BFSP1: variants seen among roughly 807,000 people sequenced by gnomAD.
BFSP1 encodes the protein filensin.
BFSP1 carries 38 observed loss-of-function variants against 43.9 expected under a neutral mutation model. The observed-to-expected ratio is 0.87, with a 90% CI of 0.67 to 1.14. The LOEUF is 1.14. BFSP1 is among the 50% of genes most tolerant of loss of function. The pLI is 0.00. For missense variants in BFSP1, 850 were observed against 875.1 expected (o/e 0.97, Z 0.36); for synonymous variants, 352 against 354.8 (o/e 0.99, Z 0.09).
rs1305131682 is a variant in BFSP1 at position 17,494,783 on chromosome 20, T to A, written c.1289A>T (p.Asp430Val). The change falls in exon 8 of 8, where the codon GAT becomes GTT. Residue 430 changes from aspartate to valine, a missense_variant. Transcript: ENST00000377873. ...GCTTATCTGCCCTCCATCTGGCACA[T>A]CCTCTGGAGCCCCTTCTTGTGTCAG... The part of the protein sequence containing the change: ...SPLTQEGAPE[D>V]VPDGGQISKG... The A allele has an allele frequency of 1.2e-6, 2 of 1,614,212 alleles. No individual in the cohort carries two copies. Among genetic ancestry groups the A allele is most frequent in the South Asian group, 1.1e-5 (1 of 91,084 alleles).
chr20:17,555,514 A>G (rs2034976915), intron 1 of BFSP1, among the ~76,000 whole-genome samples: 1 of 151,970 alleles, frequency 6.6e-6, no homozygotes, highest in South Asian at 2.1e-4. Context: ...TTAGCCAGGC[A>G]TGGTGGCCCA....
At chr20:17,530,867 C>G in intron 1 of BFSP1, 86 bp downstream of exon 1, 1 of 1,286,618 alleles carries the variant, frequency 7.8e-7, no homozygotes, top group South Asian at 2.2e-5. Context: ...GCGCTCCACC[C>G]CTGCATGGTA....
chr20:17,516,084 T>G (rs2034194128), intron 2 of BFSP1, among the ~76,000 whole-genome samples: 1 of 152,072 alleles, frequency 6.6e-6, no homozygotes, highest in Non-Finnish European at 1.5e-5. Flanking sequence ...GTCCCAGCAC[T>G]TTGGGAGGCT....
intron 4 of BFSP1, among the ~76,000 whole-genome samples, chr20:17,511,482 A>G (rs2034077270): frequency 6.6e-6 from 1 of 152,228 alleles, no homozygotes; most frequent in Non-Finnish European, 1.5e-5. Flanking sequence ...TCCACAAAGA[A>G]GCTATCCGGA....
chr20:17,553,604 A>C (rs1426434259), intron 1 of BFSP1, among the ~76,000 whole-genome samples: 1 of 151,712 alleles, frequency 6.6e-6, no homozygotes, highest in Admixed American at 6.6e-5. Context: ...GTTGCTGATA[A>C]GTGCTTCAAA....
chr20:17,494,919 C>T lies in BFSP1; in HGVS notation c.1153G>A (p.Ala385Thr). The T allele has an allele frequency of 6.2e-7, 1 of 1,614,186 alleles. No individual in the cohort carries two copies. ...EIITKDKTNG[A>T]LEDAPLKGLE... is the part of the protein sequence containing the mutation. ...CCTTTTAATGGTGCATCTTCCAGAG[C>T]TCCGTTGGTTTTGTCTTTTGTTATA... Residue 385 changes from alanine to threonine, a missense_variant, in exon 8 of 8, where the codon GCT becomes ACT. Ala to Thr is a moderately conservative substitution (Grantham distance 58). Coordinates refer to ENST00000377873, the MANE Select transcript of BFSP1 (RefSeq NM_001195.5).
intron 1 of BFSP1, among the ~76,000 whole-genome samples, chr20:17,558,126 G>T (rs147436033): frequency 1.3e-5 from 2 of 149,008 alleles, no homozygotes; most frequent in East Asian, 2.0e-4. Context: ...AGATGGGGGG[G>T]GGTTTTACTC....
chr20:17,567,744 C>G (rs999805939), intron 1 of BFSP1, among the ~76,000 whole-genome samples: 1 of 151,676 alleles, frequency 6.6e-6, no homozygotes, highest in Non-Finnish European at 1.5e-5. Flanking sequence ...GCCTGTAATC[C>G]CAGCTACTCG....
Position 17,525,473 on chromosome 20 carries a change from C to A in BFSP1, c.378-565G>T, listed in dbSNP as rs2034401125. ...TCCGCACACTTTTCCCTCCTCCCAGCAGCATCACTCCCCACACAGCGATGG... is the reference window on the plus strand; with the variant it reads ...TCCGCACACTTTTCCCTCCTCCCAGAAGCATCACTCCCCACACAGCGATGG... On this transcript the variant is annotated intron_variant, in intron 1 of 7. Coordinates refer to ENST00000377873, the MANE Select transcript of BFSP1 (RefSeq NM_001195.5). The surrounding 1 kb of genome is among the most constrained non-coding windows in gnomAD (Gnocchi z 4.2). 6.6e-6 allele frequency among the ~76,000 whole-genome samples: 1 copy of A among 152,208 alleles called. No individual in the cohort carries two copies. Among genetic ancestry groups the A allele is most frequent in the Non-Finnish European group, 1.5e-5 (1 of 68,040 alleles).
At position 17,498,845 on chromosome 20, in the gene BFSP1, G is replaced by T. The variant is rs750868908; in HGVS notation, c.931C>A (p.Arg311Ser). ...TLKNELDRYH[R>S]IIEIEGNRLT... ...CTGTTGCCTTCAATCTCGATGATAC[G>T]ATGATACCGGTCCAGCTCATTCTTC... Residue 311 changes from arginine to serine, a missense_variant, in exon 6 of 8, where the codon CGT becomes AGT. By Grantham distance (110) the Arg-to-Ser change is moderately radical. Transcript: ENST00000377873. The T allele has an allele frequency of 6.2e-7, 1 of 1,613,294 alleles. No individual in the cohort carries two copies. The highest frequency in any genetic ancestry group is 8.5e-7 in the Non-Finnish European group (1 of 1,180,022).
chr20:17,537,048 C>T (rs2034638406), intron 1 of BFSP1, among the ~76,000 whole-genome samples: 1 of 152,174 alleles, frequency 6.6e-6, no homozygotes, highest in East Asian at 1.9e-4. Context: ...CAAACGAATA[C>T]ACTGCTCTAA....
At position 17,494,947 on chromosome 20, in the gene BFSP1, C is replaced by G. The variant is rs139124891; in HGVS notation, c.1125G>C (p.Glu375Asp). The change falls in exon 8 of 8, where the codon GAG (glutamate) becomes GAC (aspartate). Residue 375 changes from glutamate to aspartate, a missense_variant. Transcript: ENST00000377873. ...CGTTGGTTTTGTCTTTTGTTATAAT[C>G]TCTTTTCTCCTTGGAACATTCTTGG... ...ALPKNVPRRK[E>D]IITKDKTNGA... is the part of the protein sequence containing the mutation. The G allele has an allele frequency of 1.2e-6, 2 of 1,614,072 alleles. No homozygotes were observed. Among genetic ancestry groups the G allele is most frequent in the East Asian group, 2.2e-5 (1 of 44,902 alleles).
intron 7 of BFSP1, 39 bp downstream of exon 7, chr20:17,496,899 G>A: frequency 6.9e-7 from 1 of 1,455,192 alleles, no homozygotes; most frequent in Non-Finnish European, 9.2e-7. Flanking sequence ...TTTTTTTCAA[G>A]ACAGAAAAAA....
upstream of BFSP1, among the ~76,000 whole-genome samples, chr20:17,559,891 TC>T (rs2035051469): frequency 6.6e-6 from 1 of 152,006 alleles, no homozygotes; most frequent in Admixed American, 6.6e-5. Context: ...GTTGGGGACC[TC>T]TTATCTAGAG....
chr20:17,510,964 G>A (rs937082317), intron 4 of BFSP1, among the ~76,000 whole-genome samples: 2 of 151,312 alleles, frequency 1.3e-5, no homozygotes, highest in South Asian at 4.1e-4. Flanking sequence ...TGTTTGTGGG[G>A]TTTTTTTGCT....
upstream of BFSP1, among the ~76,000 whole-genome samples, chr20:17,531,619 A>C (rs555479048): frequency 6.6e-6 from 1 of 152,148 alleles, no homozygotes. Flanking sequence ...TTTTGATTGA[A>C]TGGAGGGTCA....
chr20:17,543,365 C>G (rs908320901), intron 1 of BFSP1, among the ~76,000 whole-genome samples: 7 of 152,200 alleles, frequency 4.6e-5, no homozygotes, highest in Non-Finnish European at 8.8e-5. Context: ...ATGCCTCACA[C>G]AGCGTCATGA....
At chr20:17,501,286 C>T (rs975282852) in intron 5 of BFSP1, among the ~76,000 whole-genome samples, 5 of 152,156 alleles carry the variant, frequency 3.3e-5, no homozygotes, top group African/African-American at 9.7e-5. Context: ...GGCAAATGGC[C>T]GGGTGTGGTG....
upstream of BFSP1, among the ~76,000 whole-genome samples, chr20:17,563,885 TAAAAA>T (rs998399781): frequency 2.2e-5 from 2 of 90,770 alleles, no homozygotes; most frequent in African/African-American, 4.0e-5. Flanking sequence ...AGACCGTGTC[TAAAAA>T]AAAAAAAAAA....
Sources: allele counts gnomAD v4.1 joint callset (sites outside exome capture counted in the v4.1 genomes callset), GRCh38; gene constraint gnomAD v4.1.1; non-coding constraint Gnocchi (gnomAD v3.1); transcripts MANE v1.5; gene names NCBI Gene and HGNC (gene_info 2026-07-23, HGNC 2026-07-21).